The following RRBP1 variants were observed in gnomAD, a reference collection of about 807,000 sequenced individuals.
The protein encoded by RRBP1 is ribosome-binding protein 1.
RRBP1 carries 94 observed loss-of-function variants against 165.2 expected under a neutral mutation model. That is an observed-to-expected ratio of 0.57 (90% CI 0.48 to 0.68). The LOEUF is 0.68. Ranked by LOEUF, RRBP1 falls within the 30% of genes least tolerant of loss-of-function variation. The pLI is 0.00. For missense variants in RRBP1, 1,676 were observed against 1,763.0 expected, an observed-to-expected ratio of 0.95 and a Z score of 0.88; for synonymous variants, 680 against 714.5, an observed-to-expected ratio of 0.95 and a Z score of 0.77.
At chr20:17,624,818 G>C in intron 12 of RRBP1, 150 bp from the exon 13 acceptor site, 1 of 640,138 alleles carries the variant, frequency 1.6e-6, no homozygotes. Flanking sequence ...CCCTTCCTTG[G>C]CCCATGACCA....
chr20:17,614,803 C>T lies in RRBP1; in HGVS notation c.4128G>A (p.Thr1376=), dbSNP rs747482750. 8.7e-6 allele frequency: 14 copies of T among 1,613,868 alleles called. No individual in the cohort carries two copies. The highest frequency in any genetic ancestry group is 1.2e-5 in the Non-Finnish European group (14 of 1,180,026). ...TCTCCCTTGCCAGCTGCTCCTGGGT[C>T]GTCTTCAGAAGCTCCTGCAGTCTCG... The part of the protein sequence containing the change: ...AATRLQELLK[T]TQEQLAREKD... Residue 1376 remains threonine, a synonymous_variant, in exon 24 of 25, where the codon ACG becomes ACA. Transcript: ENST00000377813.
chr20:17,654,012 C>T (rs777235042), intron 3 of RRBP1, among the ~76,000 whole-genome samples: 7 of 152,118 alleles, frequency 4.6e-5, no homozygotes, highest in Non-Finnish European at 7.3e-5. Flanking sequence ...AATGCACAAA[C>T]GCATTTTTGT....
rs761718616 is a variant in RRBP1, at chr20:17,620,198, CG to C, written c.3579+100del. On this transcript the variant is annotated intron_variant, in intron 18 of 24. Coordinates refer to ENST00000377813, the MANE Select transcript of RRBP1 (RefSeq NM_001365613.2). ...GAGAGAATGCCTCTCTTAAGGCACA[CG>C]GTCCATGAGGAAGAAATCAGTGAAG... is the stretch of plus-strand genomic sequence containing the variant. 263 of 860,762 alleles carry C rather than the reference CG, an allele frequency of 3.1e-4. 1 individual carries two copies. Among genetic ancestry groups the C allele is most frequent in the Non-Finnish European group, 3.5e-4 (182 of 518,162 alleles). 53.3% of individuals were successfully genotyped at this position (860,762 alleles called of 1,614,324 possible). A position where few individuals can be genotyped will look rare whatever the true frequency, so the allele number is the denominator to read the frequency against.
At chr20:17,617,650 G>GT (rs930871961) in intron 20 of RRBP1, among the ~76,000 whole-genome samples, 7 of 152,244 alleles carry the variant, frequency 4.6e-5, no homozygotes, top group Admixed American at 4.6e-4. Context: ...GCTTCAGTGA[G>GT]TGGCCCCTAG....
rs551357159 is a variant in RRBP1 at position 17,641,667 on chromosome 20, A to G, written c.2184+130T>C. On this transcript the variant is annotated intron_variant, in intron 5 of 24. Transcript: ENST00000377813. The stretch of plus-strand genomic sequence containing the variant: ...AGCAGATAAGCAGCAGTCCCTACTC[A>G]GCAGCCTGACAGCCAGCTACGTTCC... The G allele has an allele frequency of 7.3e-5, 85 of 1,159,840 alleles. No individual in the cohort carries two copies. The East Asian group carries it at 1.4e-3, about 19-fold the overall frequency. The allele number at this position is 1,159,840 out of a possible 1,614,324, so 71.8% of individuals were successfully genotyped here.
intron 6 of RRBP1, among the ~76,000 whole-genome samples, chr20:17,636,218 AAAG>A (rs2036245821): frequency 6.6e-6 from 1 of 152,246 alleles, no homozygotes; most frequent in Non-Finnish European, 1.5e-5. Flanking sequence ...CACCATGTGG[AAAG>A]AAGATAGAGC....
chr20:17,636,343 T>C (rs1017398797), intron 6 of RRBP1, among the ~76,000 whole-genome samples: 1 of 152,254 alleles, frequency 6.6e-6, no homozygotes, highest in Admixed American at 6.5e-5. Context: ...TTCTTTAAAA[T>C]GTATTTCATA....
chr20:17,653,055 G>A (rs144806620), intron 3 of RRBP1, among the ~76,000 whole-genome samples: 2 of 152,348 alleles, frequency 1.3e-5, no homozygotes, highest in East Asian at 3.9e-4. Flanking sequence ...ATCACTGCAA[G>A]TGATGAAGTG....
chr20:17,678,836 T>C (rs2037127704), intron 2 of RRBP1, among the ~76,000 whole-genome samples: 1 of 152,186 alleles, frequency 6.6e-6, no homozygotes, highest in Admixed American at 6.5e-5. Flanking sequence ...AGGCAAGAAC[T>C]AGGTCTCACT....
At chr20:17,677,999 G>A (rs2037113865) in intron 2 of RRBP1, among the ~76,000 whole-genome samples, 1 of 152,360 alleles carries the variant, frequency 6.6e-6, no homozygotes, top group East Asian at 1.9e-4. Flanking sequence ...AGGTATTCTA[G>A]TCTTGCCAAA....
intron 2 of RRBP1, among the ~76,000 whole-genome samples, chr20:17,667,152 T>C (rs2122481938): frequency 6.6e-6 from 1 of 152,314 alleles, no homozygotes; most frequent in South Asian, 2.1e-4. Flanking sequence ...TTTCCCCTAT[T>C]CTTTGGCATA....
chr20:17,651,250 G>T (rs185078219), intron 3 of RRBP1, among the ~76,000 whole-genome samples: 2 of 152,344 alleles, frequency 1.3e-5, no homozygotes, highest in African/African-American at 4.8e-5. Flanking sequence ...GCAGCACCGT[G>T]TGAGGAGTGC....
At chr20:17,669,105 G>T (rs182473596) in intron 2 of RRBP1, among the ~76,000 whole-genome samples, 1 of 151,996 alleles carries the variant, frequency 6.6e-6, no homozygotes, top group African/African-American at 2.4e-5. Flanking sequence ...TACATATAAT[G>T]GACTCCCTAT....
chr20:17,632,896 G>GA (rs948803183), intron 8 of RRBP1, among the ~76,000 whole-genome samples: 3 of 152,058 alleles, frequency 2.0e-5, no homozygotes, highest in Admixed American at 2.0e-4. Flanking sequence ...ACCCTCCTGG[G>GA]AAAAAAGGCC....
At chr20:17,632,494 C>T (rs1475857508) in intron 8 of RRBP1, among the ~76,000 whole-genome samples, 4 of 152,208 alleles carry the variant, frequency 2.6e-5, no homozygotes, top group Non-Finnish European at 5.9e-5. Flanking sequence ...ATCTCAATTC[C>T]ACCCCAATTC....
intron 23 of RRBP1, 104 bp downstream of exon 23, chr20:17,615,327 G>T (rs981214228): frequency 1.0e-5 from 9 of 890,982 alleles, no homozygotes; most frequent in Non-Finnish European, 1.5e-5. Context: ...GGCAGGTCCC[G>T]GTGGGGTCGG....
At chr20:17,656,330 C>T (rs989710762) in intron 3 of RRBP1, among the ~76,000 whole-genome samples, 2 of 152,162 alleles carry the variant, frequency 1.3e-5, no homozygotes, top group African/African-American at 2.4e-5. Flanking sequence ...GTGTCAAGCT[C>T]CCCCATGTCA....
intron 3 of RRBP1, among the ~76,000 whole-genome samples, chr20:17,644,586 TAC>T (rs1407076854): frequency 6.6e-6 from 1 of 152,174 alleles, no homozygotes; most frequent in Non-Finnish European, 1.5e-5. Context: ...CCTCTGTAGT[TAC>T]AGACTGGGCA....
At chr20:17,623,556 G>T (rs1038542337) in intron 13 of RRBP1, among the ~76,000 whole-genome samples, 5 of 152,222 alleles carry the variant, frequency 3.3e-5, no homozygotes, top group Non-Finnish European at 7.3e-5. Context: ...GCCCCACCTG[G>T]ACAGCATGGA....
Sources: gnomAD v4.1 joint callset for allele counts (sites outside exome capture counted in the v4.1 genomes callset) on GRCh38, gnomAD v4.1.1 for gene constraint, MANE v1.5 for transcripts, NCBI Gene and HGNC (gene_info 2026-07-23, HGNC 2026-07-21) for gene names.